The following EIF3F variants were observed in gnomAD, a reference collection of about 807,000 sequenced individuals.
EIF3F encodes deubiquitinating enzyme eIF3f.
A neutral mutation model predicts 36.0 loss-of-function variants in EIF3F; 8 were observed. The observed-to-expected ratio is 0.22, with a 90% CI of 0.13 to 0.40. The LOEUF (loss-of-function observed/expected upper bound fraction) is 0.40, where lower values mean the gene tolerates loss of function less well. Among genes scored for constraint, EIF3F ranks in the 10% least tolerant of loss-of-function variants. The pLI is 1.00. For missense variants in EIF3F, 430 were observed against 467.6 expected (o/e 0.92, Z 0.74); for synonymous variants, 184 against 188.5 (o/e 0.98, Z 0.19).
chr11:7,992,818 A>G, intron 3 of EIF3F, 69 bp from the exon 4 acceptor site: 9 of 1,607,220 alleles, frequency 5.6e-6, no homozygotes, highest in Non-Finnish European at 7.7e-6. Context: ...GAAGACACCC[A>G]TGCCACTGTT....
chr11:7,989,913 A>G (rs551084122), intron 1 of EIF3F, among the ~76,000 whole-genome samples: 1 of 152,358 alleles, frequency 6.6e-6, no homozygotes, highest in Non-Finnish European at 1.5e-5. Flanking sequence ...AGTATTAAAT[A>G]ATTACAAATG....
intron 4 of EIF3F, among the ~76,000 whole-genome samples, chr11:7,993,319 C>T (rs529525964): frequency 5.5e-4 from 84 of 152,328 alleles, no homozygotes; most frequent in African/African-American, 1.9e-3. Context: ...TACAGCCAAT[C>T]ATCACATGGT....
intron 7 of EIF3F, chr11:7,995,621 G>A (rs1294633375): frequency 1.4e-5 from 8 of 582,098 alleles, no homozygotes; most frequent in African/African-American, 1.1e-4. Flanking sequence ...CTAAATTCGT[G>A]ATGGAAAGAA....
chr11:7,998,936 A>G lies in EIF3F; in HGVS notation c.*2914A>G, dbSNP rs1191590001. On this transcript the variant is annotated 3_prime_UTR_variant, in exon 8 of 8. Transcript: ENST00000651655. ...TAGCGTTATTCTAGACTTATTAGCC[A>G]TTGTATTTAAACAAGAGGAAATAGA... 7 of 152,262 alleles carry G rather than the reference A, an allele frequency of 4.6e-5. 1 individual carries two copies. Among genetic ancestry groups the G allele is most frequent in the Middle Eastern group, 6.8e-3 (2 of 294 alleles). The allele number at this position is 152,262 out of a possible 1,614,324, so 9.4% of individuals were successfully genotyped here.
chr11:7,992,999 C>T lies in EIF3F; in HGVS notation c.628C>T (p.Arg210Cys), dbSNP rs906340250. 8.7e-6 allele frequency: 14 copies of T among 1,606,168 alleles called. No individual in the cohort carries two copies. The highest frequency in any genetic ancestry group is 1.1e-5 in the South Asian group (1 of 90,086). ...LTVDTSLQNG[R>C]MSIKAYVSTL... is the part of the protein sequence containing the mutation. ...TGTGGACACAAGTCTCCAGAACGGC[C>T]GCATGAGCATCAAAGCCTACGTCAG... The change falls in exon 4 of 8, where the codon CGC becomes TGC. Residue 210 changes from arginine to cysteine, a missense_variant. This residue lies in a region of EIF3F where 262 missense variants were observed against 347.4 expected (regional missense o/e 0.75). Coordinates refer to ENST00000651655, the MANE Select transcript of EIF3F (RefSeq NM_003754.3).
At chr11:7,990,744 C>T (rs1424734218) in intron 1 of EIF3F, among the ~76,000 whole-genome samples, 1 of 152,052 alleles carries the variant, frequency 6.6e-6, no homozygotes, top group Non-Finnish European at 1.5e-5. Flanking sequence ...TAGATATAGA[C>T]AACACTGTGG....
In EIF3F at chr11:7,998,597, A is replaced by G. The variant is rs1217846345; in HGVS notation, c.*2575A>G. 1 of 152,248 alleles carries G rather than the reference A, an allele frequency of 6.6e-6. No homozygotes were observed. The highest frequency in any genetic ancestry group is 2.4e-5 in the African/African-American group (1 of 41,478). 9.4% of individuals were successfully genotyped at this position (152,248 alleles called of 1,614,324 possible). On this transcript the variant is annotated 3_prime_UTR_variant, in exon 8 of 8. Coordinates refer to ENST00000651655, the MANE Select transcript of EIF3F (RefSeq NM_003754.3). Reference sequence around the variant, plus strand: ...TGCTGCATGTCCGCAAATGGCTGCAAAAGCCCAGCAAGTACTGATACTGGA... The same window carrying G: ...TGCTGCATGTCCGCAAATGGCTGCAGAAGCCCAGCAAGTACTGATACTGGA...
chr11:7,987,734 G>C lies in EIF3F; in HGVS notation c.364+18G>C, dbSNP rs772987013. Reference sequence around the variant, plus strand: ...CCTGTTGGGTGAGTGGTCAGAGAAAGTTAACATTCTTTTCTTCCTCCCACT... The same window carrying C: ...CCTGTTGGGTGAGTGGTCAGAGAAACTTAACATTCTTTTCTTCCTCCCACT... On this transcript the variant is annotated intron_variant, in intron 1 of 7. Coordinates refer to ENST00000651655, the MANE Select transcript of EIF3F (RefSeq NM_003754.3). 2.3e-5 allele frequency: 35 copies of C among 1,489,528 alleles called. No homozygotes were observed. The South Asian group carries it at 4.4e-4, about 19-fold the overall frequency. 92.3% of individuals were successfully genotyped at this position (1,489,528 alleles called of 1,614,324 possible).
chr11:7,992,799 C>G (rs1224527469), intron 3 of EIF3F, 88 bp from the exon 4 acceptor site: 2 of 1,576,196 alleles, frequency 1.3e-6, no homozygotes, highest in Non-Finnish European at 8.7e-7. Context: ...TAGAAGTGTC[C>G]GGTACCCTGA....
intron 5 of EIF3F, 77 bp from the exon 6 acceptor site, chr11:7,994,905 T>G (rs1198444121): frequency 6.3e-7 from 1 of 1,579,910 alleles, no homozygotes; most frequent in East Asian, 2.2e-5. Flanking sequence ...AGACCATCTC[T>G]TTCCTGGTGG....
In EIF3F at chr11:7,999,728, T is replaced by C. The variant is rs1468907356; in HGVS notation, c.*3706T>C. 6.6e-6 allele frequency: 1 copy of C among 152,204 alleles called. No homozygotes were observed. Among genetic ancestry groups the C allele is most frequent in the Non-Finnish European group, 1.5e-5 (1 of 68,040 alleles). The allele number at this position is 152,204 out of a possible 1,614,324, so 9.4% of individuals were successfully genotyped here. The stretch of plus-strand genomic sequence containing the variant: ...TTTTACACTTGGTGTGAATGTAAAT[T>C]AGTACAGACATTGTGGAAAACAGTT... On this transcript the variant is annotated 3_prime_UTR_variant, in exon 8 of 8. Coordinates refer to ENST00000651655, the MANE Select transcript of EIF3F (RefSeq NM_003754.3).
At position 7,987,583 on chromosome 11, in the gene EIF3F, G is replaced by A. The variant is rs555069925; in HGVS notation, c.231G>A (p.Leu77=). The change falls in exon 1 of 8, where the codon CTG becomes CTA. Residue 77 remains leucine (L), a synonymous_variant. Transcript: ENST00000651655. ...CAGCGCAGACCCCAGCGCCCGCTCT[G>A]CCTGGTCCTGCTCTTCCAGGGCCCT... The part of the protein sequence containing the change: ...QAPAQTPAPA[L]PGPALPGPFP... 21 of 1,596,620 alleles carry A rather than the reference G, an allele frequency of 1.3e-5. No individual in the cohort carries two copies. The African/African-American group carries it at 1.8e-4, about 13-fold the overall frequency.
Position 7,987,450 on chromosome 11 carries a change from C to T in EIF3F, c.98C>T (p.Pro33Leu), listed in dbSNP as rs946429530. 6.9e-6 allele frequency: 11 copies of T among 1,603,374 alleles called. No homozygotes were observed. The African/African-American group carries it at 8.0e-5, about 12-fold the overall frequency. ...PASVPAPTPA[P>L]AAAPVPAAAP... ...TCAGTTCCAGCGCCAACGCCAGCACCGGCTGCGGCTCCGGTTCCCGCTGCG... is the reference window on the plus strand; with the variant it reads ...TCAGTTCCAGCGCCAACGCCAGCACTGGCTGCGGCTCCGGTTCCCGCTGCG... Residue 33 changes from proline (P) to leucine (L), a missense_variant, in exon 1 of 8, where the codon CCG (proline) becomes CTG (leucine). This residue lies in a region of EIF3F where 168 missense variants were observed against 120.2 expected (regional missense o/e 1.40). Transcript: ENST00000651655.
rs1438553187 is a variant in EIF3F at position 8,000,126 on chromosome 11, G to A, written c.*4104G>A. ...TGAAGTGAGAATGGCTTGAACCCAG[G>A]AAGTGGAGATTTCAGTGAGCTGAGA... On this transcript the variant is annotated 3_prime_UTR_variant, in exon 8 of 8. Transcript: ENST00000651655. The A allele has an allele frequency of 6.6e-6, 1 of 151,926 alleles. No individual in the cohort carries two copies. The highest frequency in any genetic ancestry group is 1.5e-5 in the Non-Finnish European group (1 of 68,006). The allele number at this position is 151,926 out of a possible 1,614,324, so 9.4% of individuals were successfully genotyped here. A position where few individuals can be genotyped will look rare whatever the true frequency, so the allele number is the denominator to read the frequency against.
At chr11:7,995,663 A>G (rs1942152409) in intron 7 of EIF3F, 4 of 581,852 alleles carry the variant, frequency 6.9e-6, no homozygotes, top group African/African-American at 1.9e-5. Flanking sequence ...TGAAAATGCA[A>G]TTACTTATTT....
Position 7,992,157 on chromosome 11 carries a change from TGG to T in EIF3F, c.511_512del (p.Gly171LeufsTer7). ...AAAGTTTCTCCAAATGAGCTCATCC[TGG>T]GCTGGTAAGTTGGGGAGGTGGGGGC... On this transcript the variant is annotated frameshift_variant, in exon 3 of 8. Transcript: ENST00000651655. LOFTEE classifies it high-confidence loss of function. 6.2e-7 allele frequency: 1 copy of T among 1,611,878 alleles called. No homozygotes were observed.
At chr11:7,987,813 CCGT>C in intron 1 of EIF3F, 97 bp downstream of exon 1, 2 of 1,371,912 alleles carry the variant, frequency 1.5e-6, no homozygotes, top group Non-Finnish European at 1.9e-6. Flanking sequence ...TGGTGTCCTA[CCGT>C]CCTTTCCTCC....
In EIF3F at chr11:7,993,008, A is replaced by G. The variant is rs756387297; in HGVS notation, c.637A>G (p.Ile213Val). The stretch of plus-strand genomic sequence containing the variant: ...AAGTCTCCAGAACGGCCGCATGAGC[A>G]TCAAAGCCTACGTCAGGTGACCACA... Reference protein sequence around the residue: ...DTSLQNGRMSIKAYVSTLMGV... With the variant: ...DTSLQNGRMSVKAYVSTLMGV... The change falls in exon 4 of 8, where the codon ATC (isoleucine) becomes GTC (valine). Residue 213 changes from isoleucine (I) to valine (V), a missense_variant. By Grantham distance (29) the Ile-to-Val change is conservative. Coordinates refer to ENST00000651655, the MANE Select transcript of EIF3F (RefSeq NM_003754.3). The G allele has an allele frequency of 2.1e-5, 33 of 1,602,652 alleles. No individual in the cohort carries two copies. Among genetic ancestry groups the G allele is most frequent in the Non-Finnish European group, 2.6e-5 (30 of 1,174,020 alleles).
intron 7 of EIF3F, 173 bp downstream of exon 7, chr11:7,995,540 G>A: frequency 1.6e-6 from 1 of 634,260 alleles, no homozygotes. Context: ...GTTATGCGTG[G>A]TTGGAGACTT....
Sources: allele counts gnomAD v4.1 joint callset (sites outside exome capture counted in the v4.1 genomes callset), GRCh38; gene constraint gnomAD v4.1.1; regional missense constraint gnomAD v4.1.1; transcripts MANE v1.5; gene names NCBI Gene and HGNC (gene_info 2026-07-23, HGNC 2026-07-21).